The following HMGN3 variants were observed in gnomAD, a reference collection of about 807,000 sequenced individuals.
The protein encoded by HMGN3 is high mobility group nucleosomal binding domain 3.
In HMGN3, 6 loss-of-function variants were observed where a neutral mutation model predicts 18.8. The ratio of observed to expected loss-of-function variants is 0.32; its 90% confidence interval spans 0.18 to 0.63. The LOEUF (loss-of-function observed/expected upper bound fraction) is 0.63, where lower values mean the gene tolerates loss of function less well. Ranked by LOEUF, HMGN3 falls within the 30% of genes least tolerant of loss-of-function variation. The pLI, the probability that HMGN3 is intolerant of heterozygous loss-of-function variation, is 0.79. For synonymous variants in HMGN3, 40 were observed against 36.5 expected (o/e 1.10, Z -0.35); for missense variants, 107 against 114.2 (o/e 0.94, Z 0.29).
At chr6:79,215,304 A>G (rs999457629) in intron 1 of HMGN3, among the ~76,000 whole-genome samples, 1 of 152,230 alleles carries the variant, frequency 6.6e-6, no homozygotes, top group Non-Finnish European at 1.5e-5. Context: ...ACTTTCATTT[A>G]TCTTTGATGA....
rs767087498 is a variant in HMGN3 at position 79,214,965 on chromosome 6, T to A, written c.66+7A>T. On this transcript the variant is annotated splice_region_variant and intron_variant, in intron 2 of 5. Coordinates refer to ENST00000344726, the Ensembl canonical transcript of HMGN3. ...AATTAAATATAGGATGTCAAAGATA[T>A]ACTTACCTCCTGTTTAGTTACTTTG... The A allele has an allele frequency of 5.6e-6, 8 of 1,426,016 alleles. No individual in the cohort carries two copies. The highest frequency in any genetic ancestry group is 7.8e-6 in the Non-Finnish European group (8 of 1,025,468). 88.3% of individuals were successfully genotyped at this position (1,426,016 alleles called of 1,614,324 possible).
At chr6:79,207,156 A>G (rs2095633) in intron 3 of HMGN3, among the ~76,000 whole-genome samples, 139,105 of 152,210 alleles carry the variant, frequency 0.91, 64,061 homozygotes, top group East Asian at 1. Flanking sequence ...GCTGAAATGA[A>G]TTAAGATTTG....
chr6:79,221,015 A>G (rs961730788), intron 1 of HMGN3, among the ~76,000 whole-genome samples: 3 of 152,178 alleles, frequency 2.0e-5, no homozygotes, highest in Non-Finnish European at 1.5e-5. Flanking sequence ...AAATAGGTAT[A>G]TTATATTATT....
intron 1 of HMGN3, among the ~76,000 whole-genome samples, chr6:79,218,338 CAAG>C (rs1777101209): frequency 6.6e-6 from 1 of 151,680 alleles, no homozygotes; most frequent in Non-Finnish European, 1.5e-5. Flanking sequence ...ACCAAAAACT[CAAG>C]GATATAGAAA....
At chr6:79,224,039 G>C (rs1486757698) in intron 1 of HMGN3, among the ~76,000 whole-genome samples, 3 of 152,192 alleles carry the variant, frequency 2.0e-5, no homozygotes, top group Non-Finnish European at 2.9e-5. Flanking sequence ...GATGTGTACT[G>C]CAATTATGTG....
At chr6:79,214,750 G>A (rs1776885956) in intron 2 of HMGN3, among the ~76,000 whole-genome samples, 1 of 152,188 alleles carries the variant, frequency 6.6e-6, no homozygotes, top group Non-Finnish European at 1.5e-5. Flanking sequence ...AACACAGTAA[G>A]TGGAAAATGC....
chr6:79,227,329 C>T (rs893281817), intron 1 of HMGN3, among the ~76,000 whole-genome samples: 1 of 152,116 alleles, frequency 6.6e-6, no homozygotes, highest in Non-Finnish European at 1.5e-5. Flanking sequence ...CTTTCAGAAA[C>T]ACTCCATTTG....
intron 1 of HMGN3, among the ~76,000 whole-genome samples, chr6:79,227,056 A>C (rs1777596567): frequency 1.3e-5 from 2 of 152,196 alleles, no homozygotes; most frequent in South Asian, 4.2e-4. Context: ...ATATTTCAAC[A>C]CTCTAGGTAC....
exon 1 of HMGN3, chr6:79,234,632 T>C: frequency 6.7e-7 from 1 of 1,501,766 alleles, no homozygotes; most frequent in South Asian, 1.1e-5. Flanking sequence ...GGATGCTGCC[T>C]CTGCCTCTGC....
intron 3 of HMGN3, among the ~76,000 whole-genome samples, chr6:79,206,291 A>T (rs1170158032): frequency 6.6e-6 from 1 of 152,218 alleles, no homozygotes; most frequent in Non-Finnish European, 1.5e-5. Context: ...CCTTTGCAGC[A>T]GCCTCTCCCA....
intron 1 of HMGN3, among the ~76,000 whole-genome samples, chr6:79,216,914 C>T (rs1777016084): frequency 6.6e-6 from 1 of 152,122 alleles, no homozygotes; most frequent in Admixed American, 6.5e-5. Flanking sequence ...TACTCTCTAC[C>T]TATAATTGAT....
intron 2 of HMGN3, among the ~76,000 whole-genome samples, chr6:79,211,130 T>C (rs1313004850): frequency 7.2e-5 from 11 of 152,154 alleles, no homozygotes. Context: ...AGCTCTTCTT[T>C]CTATGCCATT....
intron 2 of HMGN3, among the ~76,000 whole-genome samples, chr6:79,208,831 A>G (rs140338541): frequency 3.0e-4 from 45 of 152,316 alleles, no homozygotes; most frequent in African/African-American, 1.1e-3. Flanking sequence ...GGGTGTGGTG[A>G]ATAAGTAAGG....
chr6:79,215,104 C>A, intron 1 of HMGN3, 82 bp from the exon 2 acceptor site: 3 of 833,474 alleles, frequency 3.6e-6, no homozygotes, highest in Admixed American at 2.6e-5. Flanking sequence ...TTATCTCATT[C>A]CCAGGACAAG....
At chr6:79,201,998 ACC>A in intron 5 of HMGN3, 63 bp downstream of exon 6, 2 of 1,480,540 alleles carry the variant, frequency 1.4e-6, no homozygotes, top group South Asian at 1.3e-5. Flanking sequence ...AAAAAAAAAA[ACC>A]ACCACACTAC....
chr6:79,203,134 TA>T (rs1410851135), intron 4 of HMGN3, among the ~76,000 whole-genome samples: 1 of 152,194 alleles, frequency 6.6e-6, no homozygotes, highest in African/African-American at 2.4e-5. Flanking sequence ...TGCCATACTA[TA>T]AGGGCCTTAT....
intron 4 of HMGN3, 116 bp downstream of exon 4, chr6:79,203,464 G>C (rs953665076): frequency 2.2e-6 from 2 of 894,470 alleles, no homozygotes; most frequent in Non-Finnish European, 1.8e-6. Context: ...CCGTAACAGT[G>C]GTAATGGTTT....
At chr6:79,208,694 C>T in intron 2 of HMGN3, 118 bp from the exon 3 acceptor site, 10 of 815,652 alleles carry the variant, frequency 1.2e-5, no homozygotes, top group Non-Finnish European at 2.1e-5. Flanking sequence ...TGTATGATTC[C>T]CATCACCTTC....
intron 3 of HMGN3, among the ~76,000 whole-genome samples, chr6:79,207,609 C>T (rs1190757510): frequency 6.6e-6 from 1 of 152,192 alleles, no homozygotes; most frequent in Non-Finnish European, 1.5e-5. Flanking sequence ...GACTAATATA[C>T]TTCCTTACGA....
Sources: gnomAD v4.1 joint callset for allele counts (sites outside exome capture counted in the v4.1 genomes callset) on GRCh38, gnomAD v4.1.1 for gene constraint, MANE v1.5 for transcripts, NCBI Gene and HGNC (gene_info 2026-07-23, HGNC 2026-07-21) for gene names.